The following FLII variants were observed in gnomAD, a reference collection of about 807,000 sequenced individuals.
The protein encoded by FLII is FLII actin remodeling protein.
Under a neutral mutation model 156.2 loss-of-function variants are expected in FLII, and 101 were observed. The ratio of observed to expected loss-of-function variants is 0.65; its 90% CI spans 0.55 to 0.76. The LOEUF (loss-of-function observed/expected upper bound fraction) is 0.76, where lower values mean the gene tolerates loss of function less well. Ranked by LOEUF, FLII falls within the 30% of genes least tolerant of loss-of-function variation. FLII has a pLI of 0.00. For missense variants in FLII, 1,675 were observed against 1,682.8 expected (o/e 1.00, Z 0.08); for synonymous variants, 767 against 685.8 (o/e 1.12, Z -1.85).
chr17:18,250,502 C>G (rs2048226093), intron 14 of FLII, among the ~76,000 whole-genome samples: 2 of 152,184 alleles, frequency 1.3e-5, no homozygotes, highest in Admixed American at 1.3e-4. Flanking sequence ...GCCCTGCCTT[C>G]TCACTGCTCT....
Position 18,251,405 on chromosome 17 carries a change from C to A in FLII, c.1456G>T (p.Asp486Tyr). 5.6e-6 allele frequency: 9 copies of A among 1,613,334 alleles called. No individual in the cohort carries two copies. Among genetic ancestry groups the A allele is most frequent in the Non-Finnish European group, 7.6e-6 (9 of 1,179,940 alleles). ...TCCTCCGTGAAGAACTCGGAGTAGT[C>A]AAGGCGGGGCTTCTCCAGGCCCTGG... ...WDQGLEKPRL[D>Y]YSEFFTEDVG... The change falls in exon 13 of 30, where the codon GAC (aspartate) becomes TAC (tyrosine). Residue 486 changes from aspartate (D) to tyrosine (Y), a missense_variant. By Grantham distance (160) the Asp-to-Tyr change is radical. This residue lies in a region of FLII where 1,332 missense variants were observed against 1,269.3 expected (regional missense o/e 1.05). Coordinates refer to ENST00000327031, the MANE Select transcript of FLII (RefSeq NM_002018.4).
Position 18,245,614 on chromosome 17 carries a change from C to G in FLII, c.3550G>C (p.Asp1184His), listed in dbSNP as rs141265661. The change falls in exon 28 of 30, where the codon GAC (aspartate) becomes CAC (histidine). Residue 1184 changes from aspartate (D) to histidine (H), a missense_variant. Physicochemically the swap from Asp to His is moderately conservative, Grantham distance 81 (BLOSUM62 -1). Around this residue, in one of 2 missense-constraint regions of FLII, gnomAD observed 1,332 missense variants for 1,269.3 expected, o/e 1.05. Transcript: ENST00000327031. ...GYFAVTEKCS[D>H]FCQDDLADDD... ...TCTGCCAGGTCATCTTGGCAAAAGT[C>G]GGAGCATTTCTCAGTCACTGCAAAG... 1.2e-6 allele frequency: 2 copies of G among 1,613,746 alleles called. No homozygotes were observed. Among genetic ancestry groups the G allele is most frequent in the African/African-American group, 1.3e-5 (1 of 74,880 alleles).
rs111424509 is a variant in FLII, at chr17:18,245,662, T to C, written c.3504-2A>G. 6.2e-7 allele frequency: 1 copy of C among 1,613,592 alleles called. No homozygotes were observed. The highest frequency in any genetic ancestry group is 8.5e-7 in the Non-Finnish European group (1 of 1,179,856). On this transcript the variant is annotated splice_acceptor_variant, in intron 27 of 29. Coordinates refer to ENST00000327031, the MANE Select transcript of FLII (RefSeq NM_002018.4). LOFTEE classifies it high-confidence loss of function. ...AAGTAGCCCTTCTCGTTGGAGCACC[T>C]GGGAATCAAGGGTCAAGGTGAGGCC...
Position 18,245,073 on chromosome 17 carries a change from G to T in FLII, c.*65C>A. The T allele has an allele frequency of 6.5e-7, 1 of 1,541,808 alleles. No homozygotes were observed. Among genetic ancestry groups the T allele is most frequent in the Non-Finnish European group, 8.8e-7 (1 of 1,134,072 alleles). On this transcript the variant is annotated 3_prime_UTR_variant, in exon 30 of 30. Transcript: ENST00000327031. Reference sequence around the variant, plus strand: ...GTGGTGTCACCTGAGTACATTCTTTGCTAGCAGACAGTGGATGAGGCCCCT... The same window carrying T: ...GTGGTGTCACCTGAGTACATTCTTTTCTAGCAGACAGTGGATGAGGCCCCT...
intron 20 of FLII, 108 bp downstream of exon 20, chr17:18,247,549 G>T: frequency 2.6e-6 from 3 of 1,137,470 alleles, no homozygotes; most frequent in Non-Finnish European, 3.7e-6. Flanking sequence ...CAGCAAAGAG[G>T]AGGTGGGTTT....
rs2048097269 is a variant in FLII, at chr17:18,247,137, CCCCCG to C, written c.2676+27_2676+31del. On this transcript the variant is annotated intron_variant, in intron 21 of 29. Coordinates refer to ENST00000327031, the MANE Select transcript of FLII (RefSeq NM_002018.4). ...GCCCTCGGCCTGCCCCCCACCCCCC[CCCCCG>C]CGCCCCGGTCCCGGCCCTGCCCCCA... 1.0e-4 allele frequency: 115 copies of C among 1,141,806 alleles called. 1 individual carries two copies. In the African/African-American group the frequency reaches 1.3e-3, roughly 13 times the overall value. 70.7% of individuals were successfully genotyped at this position (1,141,806 alleles called of 1,614,324 possible).
chr17:18,253,769 A>G (rs2048338012), intron 7 of FLII, 50 bp from the exon 8 acceptor site: 3 of 1,512,534 alleles, frequency 2.0e-6, no homozygotes, highest in South Asian at 1.2e-5. Flanking sequence ...ACCAGGTGCC[A>G]GGGCAGCCAG....
intron 15 of FLII, 54 bp downstream of exon 15, chr17:18,249,272 A>T: frequency 1.2e-6 from 2 of 1,606,994 alleles, no homozygotes; most frequent in African/African-American, 1.3e-5. Flanking sequence ...CCTCCCCTCC[A>T]CCCCTTGCCA....
chr17:18,249,682 C>T (rs554624638), intron 14 of FLII, among the ~76,000 whole-genome samples: 189 of 151,258 alleles, frequency 1.2e-3, no homozygotes, highest in African/African-American at 4.3e-3. Flanking sequence ...CCCAGCTACT[C>T]GGGAGGCTGA....
At position 18,258,617 on chromosome 17, in the gene FLII, G is replaced by T; in HGVS notation, c.63+11C>A. On this transcript the variant is annotated intron_variant, in intron 1 of 29. Coordinates refer to ENST00000327031, the MANE Select transcript of FLII (RefSeq NM_002018.4). This position sits in a 1 kb window ranked among gnomAD's most constrained non-coding sequence, Gnocchi z 4.2. ...TGCAGGGAGGCCCGGCACGCGCCCG[G>T]CCCGGCTCACCTTGAAGTCGTTGCC... 1 of 1,554,670 alleles carries T rather than the reference G, an allele frequency of 6.4e-7. No homozygotes were observed. Among genetic ancestry groups the T allele is most frequent in the Non-Finnish European group, 8.6e-7 (1 of 1,160,110 alleles).
Position 18,253,297 on chromosome 17 carries a change from G to C in FLII, c.1013+4C>G, listed in dbSNP as rs1416540279. Reference sequence around the variant, plus strand: ...CCTCTGCTAGCCCCAGCCCTGCCCAGCACCTGCAGAGACTTTCAGGGACCA... The same window carrying C: ...CCTCTGCTAGCCCCAGCCCTGCCCACCACCTGCAGAGACTTTCAGGGACCA... On this transcript the variant is annotated splice_donor_region_variant and intron_variant, in intron 9 of 29. Coordinates refer to ENST00000327031, the MANE Select transcript of FLII (RefSeq NM_002018.4). 3.1e-6 allele frequency: 5 copies of C among 1,613,636 alleles called. No individual in the cohort carries two copies. The highest frequency in any genetic ancestry group is 4.2e-6 in the Non-Finnish European group (5 of 1,180,014).
At chr17:18,254,934 C>A in intron 4 of FLII, 80 bp from the exon 5 acceptor site, 7 of 1,434,442 alleles carry the variant, frequency 4.9e-6, no homozygotes, top group Non-Finnish European at 6.9e-6. Context: ...TCAGGCAGGG[C>A]ACTGAGTTGG....
chr17:18,251,246 C>T lies in FLII; in HGVS notation c.1596+19G>A. On this transcript the variant is annotated intron_variant, in intron 13 of 29. Transcript: ENST00000327031. Reference sequence around the variant, plus strand: ...AGGTACTGGGCCACATGGCCCCTAACAGCATGCCCAGCCCTCACCTTGAGC... The same window carrying T: ...AGGTACTGGGCCACATGGCCCCTAATAGCATGCCCAGCCCTCACCTTGAGC... 7.4e-6 allele frequency: 12 copies of T among 1,610,860 alleles called. No homozygotes were observed. Among genetic ancestry groups the T allele is most frequent in the Non-Finnish European group, 1.0e-5 (12 of 1,177,672 alleles).
chr17:18,253,895 G>A lies in FLII; in HGVS notation c.680-176C>T, dbSNP rs769557909. 2.7e-4 allele frequency: 219 copies of A among 797,672 alleles called. 1 individual carries two copies. The highest frequency in any genetic ancestry group is 3.6e-4 in the Non-Finnish European group (187 of 514,654). 49.4% of individuals were successfully genotyped at this position (797,672 alleles called of 1,614,324 possible). On this transcript the variant is annotated intron_variant, in intron 7 of 29. Coordinates refer to ENST00000327031, the MANE Select transcript of FLII (RefSeq NM_002018.4). ...AACTCCCTCACATGGGGGTTGCGGG[G>A]GAGTTTTCTAGGCATAAAGTCAGTG...
Position 18,256,912 on chromosome 17 carries a change from C to A in FLII, c.171G>T (p.Lys57Asn), listed in dbSNP as rs544144418. 1.9e-6 allele frequency: 3 copies of A among 1,604,454 alleles called. No homozygotes were observed. The South Asian group carries it at 3.4e-5, about 18-fold the overall frequency. Reference protein sequence around the residue: ...YLPEELAALQKLEHLSVSHNN... With the variant: ...YLPEELAALQNLEHLSVSHNN... Reference sequence around the variant, plus strand: ...CTGCCCGCCCAAACCCCCTTACCAGCTTCTGCAGGGCGGCCAGCTCCTCGG... The same window carrying A: ...CTGCCCGCCCAAACCCCCTTACCAGATTCTGCAGGGCGGCCAGCTCCTCGG... The change falls in exon 2 of 30, where the codon AAG (lysine) becomes AAT (asparagine). Residue 57 changes from lysine (K) to asparagine (N), a missense_variant. By Grantham distance (94) the Lys-to-Asn change is moderately conservative. Transcript: ENST00000327031.
Position 18,256,564 on chromosome 17 carries a change from TG to T in FLII, c.207del (p.Thr70ArgfsTer22). On this transcript the variant is annotated frameshift_variant, in exon 3 of 30. Coordinates refer to ENST00000327031, the MANE Select transcript of FLII (RefSeq NM_002018.4). LOFTEE classifies it high-confidence loss of function. ...EHLSVSHNNLTTLHGELSSLP... is the reference protein window; with the variant it reads ...EHLSVSHNNLXTLHGELSSLP... ...AGGCTGGACAGCTCCCCATGAAGCG[TG>T]GTCAGGTTGTTGTGGCTCACAGACA... is the stretch of plus-strand genomic sequence containing the variant. 6.4e-7 allele frequency: 1 copy of T among 1,551,684 alleles called. No individual in the cohort carries two copies. The highest frequency in any genetic ancestry group is 8.7e-7 in the Non-Finnish European group (1 of 1,147,002).
chr17:18,254,585 G>C lies in FLII; in HGVS notation c.511C>G (p.Arg171Gly). The change falls in exon 6 of 30, where the codon CGC (arginine) becomes GGC (glycine). Residue 171 changes from arginine to glycine, a missense_variant. By Grantham distance (125) the Arg-to-Gly change is moderately radical. This residue lies in a region of FLII where 343 missense variants were observed against 413.5 expected (regional missense o/e 0.83). Transcript: ENST00000327031. Reference protein sequence around the residue: ...NRLESLPPQMRRLVHLQTLVL... With the variant: ...NRLESLPPQMGRLVHLQTLVL... ...AGCGTCTGCAGGTGCACCAGGCGGC[G>C]CATCTGCGGGGGCAGGCTCTCCAGG... The C allele has an allele frequency of 6.2e-7, 1 of 1,613,800 alleles. No individual in the cohort carries two copies. The highest frequency in any genetic ancestry group is 8.5e-7 in the Non-Finnish European group (1 of 1,179,952).
rs1301283964 is a variant in FLII, at chr17:18,247,051, G to T, written c.2678C>A (p.Ala893Glu). The part of the protein sequence containing the change: ...PRQPPMSLAE[A>E]EQLMEEWNED... ...GTTCCACTCCTCCATCAGCTGCTCC[G>T]CCTGCAGGTGAGAGGGACCCGCCCC... is the stretch of plus-strand genomic sequence containing the variant. Residue 893 changes from alanine (A) to glutamate (E), a missense_variant and splice_region_variant, in exon 22 of 30, where the codon GCG becomes GAG. Ala to Glu is a moderately radical substitution (Grantham distance 107). Coordinates refer to ENST00000327031, the MANE Select transcript of FLII (RefSeq NM_002018.4). 1 of 1,612,056 alleles carries T rather than the reference G, an allele frequency of 6.2e-7. No individual in the cohort carries two copies. Among genetic ancestry groups the T allele is most frequent in the Non-Finnish European group, 8.5e-7 (1 of 1,179,938 alleles).
rs11540886 is a variant in FLII, at chr17:18,245,994, G to A, written c.3336C>T (p.Asp1112=). 1.5e-3 allele frequency: 2,376 copies of A among 1,614,110 alleles called. 14 individuals are homozygous for A. Among genetic ancestry groups the A allele is most frequent in the Middle Eastern group, 3.5e-3 (21 of 6,062 alleles). Residue 1112 remains aspartate (D), a synonymous_variant, in exon 26 of 30, where the codon GAC becomes GAT. Coordinates refer to ENST00000327031, the MANE Select transcript of FLII (RefSeq NM_002018.4). ...GGATGTCTTCTGCCAACTTGGCTTC[G>A]TCAGGGTCTGATGCCCGGCCCACCC... ...YAWVGRASDP[D]EAKLAEDILN... is the part of the protein sequence containing the mutation.
Sources: allele counts gnomAD v4.1 joint callset (sites outside exome capture counted in the v4.1 genomes callset), GRCh38; gene constraint gnomAD v4.1.1; regional missense constraint gnomAD v4.1.1; non-coding constraint Gnocchi (gnomAD v3.1); transcripts MANE v1.5; gene names NCBI Gene and HGNC (gene_info 2026-07-23, HGNC 2026-07-21).